The following VGLL3 variants were observed in gnomAD, a reference collection of about 807,000 sequenced individuals.
VGLL3 encodes the protein vestigial like family member 3, also known as transcription cofactor vestigial-like protein 3.
A neutral mutation model predicts 29.2 loss-of-function variants in VGLL3; 18 were observed. The observed-to-expected ratio is 0.62, with a 90% CI of 0.43 to 0.91. The LOEUF (loss-of-function observed/expected upper bound fraction) is 0.91, where lower values mean the gene tolerates loss of function less well. Ranked by LOEUF, VGLL3 falls within the 40% of genes least tolerant of loss-of-function variation. The pLI, the probability that VGLL3 is intolerant of heterozygous loss-of-function variation, is 0.00. For missense variants in VGLL3, 440 were observed against 413.2 expected, an observed-to-expected ratio of 1.06 and a Z score of -0.56; for synonymous variants, 180 against 151.8, an observed-to-expected ratio of 1.19 and a Z score of -1.36.
rs76803491 is a variant in VGLL3, at chr3:86,973,908, G to T, written c.403+4618C>A. Among the ~76,000 whole-genome samples the T allele has an allele frequency of 8.9e-3, 1,352 of 152,232 alleles. 24 individuals carry two copies. Among genetic ancestry groups the T allele is most frequent in the African/African-American group, 0.031 (1,292 of 41,538 alleles). Reference sequence around the variant, plus strand: ...TAAGTCAGTGATTTACTCTGCTATGGCTTGACATAGCTCCTGCCCTTTTCT... The same window carrying T: ...TAAGTCAGTGATTTACTCTGCTATGTCTTGACATAGCTCCTGCCCTTTTCT... On this transcript the variant is annotated intron_variant, in intron 2 of 3. Coordinates refer to ENST00000398399, the MANE Select transcript of VGLL3 (RefSeq NM_016206.4).
chr3:86,952,550 G>A (rs1704637583), intron 3 of VGLL3, among the ~76,000 whole-genome samples: 1 of 152,150 alleles, frequency 6.6e-6, no homozygotes, highest in Non-Finnish European at 1.5e-5. Flanking sequence ...GCCTGAAAGT[G>A]TGTGTAGAAA....
At chr3:86,949,400 C>T (rs185110937) in intron 3 of VGLL3, among the ~76,000 whole-genome samples, 9 of 152,174 alleles carry the variant, frequency 5.9e-5, no homozygotes, top group African/African-American at 1.9e-4. Context: ...TAAACTTCTT[C>T]TTGGTGATGG....
intron 1 of VGLL3, among the ~76,000 whole-genome samples, chr3:86,989,771 A>G (rs1190419757): frequency 6.6e-6 from 1 of 152,038 alleles, no homozygotes; most frequent in Non-Finnish European, 1.5e-5. Context: ...ATGTAGCACT[A>G]ACTAAGCCTT....
chr3:86,961,600 A>G (rs1262170421), intron 3 of VGLL3, among the ~76,000 whole-genome samples: 1 of 152,142 alleles, frequency 6.6e-6, no homozygotes, highest in Admixed American at 6.6e-5. Context: ...ATATTTCCAC[A>G]TTTAACTCTC....
intron 3 of VGLL3, among the ~76,000 whole-genome samples, chr3:86,960,945 A>G (rs1704825649): frequency 8.6e-6 from 1 of 116,444 alleles, no homozygotes; most frequent in Admixed American, 1.2e-4. Context: ...ATATATATAT[A>G]TATATATATA....
chr3:86,973,073 A>G (rs76865605), intron 2 of VGLL3, among the ~76,000 whole-genome samples: 1 of 150,254 alleles, frequency 6.7e-6, no homozygotes, highest in Non-Finnish European at 1.5e-5. Context: ...CTTAAAAAAA[A>G]CACACACACA....
At position 86,944,837 on chromosome 3, in the gene VGLL3, A is replaced by G. The variant is rs543544738; in HGVS notation, c.*2187T>C. On this transcript the variant is annotated 3_prime_UTR_variant, in exon 4 of 4. Transcript: ENST00000398399. ...TGAATGAGTTTAACACTACTTTCAA[A>G]TAAATTACAAAGGAAGTTAATGTAT... is the stretch of plus-strand genomic sequence containing the variant. The G allele has an allele frequency of 6.6e-6, 1 of 152,360 alleles. No individual in the cohort carries two copies. The highest frequency in any genetic ancestry group is 2.4e-5 in the African/African-American group (1 of 41,578). 9.4% of individuals were successfully genotyped at this position (152,360 alleles called of 1,614,324 possible).
chr3:86,955,169 GT>G (rs1179468071), intron 3 of VGLL3, among the ~76,000 whole-genome samples: 1 of 152,094 alleles, frequency 6.6e-6, no homozygotes. Context: ...ATACCTAGGA[GT>G]ATGACTTATA....
intron 1 of VGLL3, among the ~76,000 whole-genome samples, chr3:86,988,638 AC>A (rs1487593282): frequency 2.2e-4 from 21 of 96,596 alleles, no homozygotes; most frequent in African/African-American, 5.6e-4. Context: ...TCTTTACTTG[AC>A]CAAAAAAAAA....
At chr3:86,978,424 G>A (rs537810894) in intron 2 of VGLL3, 102 bp downstream of exon 2, 15 of 1,308,738 alleles carry the variant, frequency 1.1e-5, no homozygotes, top group South Asian at 2.8e-5. Context: ...TAAAAAGCAA[G>A]TGGATATCCA....
intron 3 of VGLL3, chr3:86,962,740 G>T: frequency 1.6e-6 from 1 of 610,884 alleles, no homozygotes; most frequent in Non-Finnish European, 2.0e-6. Context: ...CATGAGGGCT[G>T]GACACAGTGG....
intron 2 of VGLL3, among the ~76,000 whole-genome samples, chr3:86,970,815 C>T (rs1281811818): frequency 6.6e-6 from 1 of 152,148 alleles, no homozygotes; most frequent in Admixed American, 6.5e-5. Flanking sequence ...AGGAGCCCAG[C>T]TCTGATCCTA....
rs535000808 is a variant in VGLL3 at position 86,940,083 on chromosome 3, T to A, written c.*6941A>T. 2.6e-5 allele frequency: 4 copies of A among 152,344 alleles called. No homozygotes were observed. In the South Asian group the frequency reaches 8.3e-4, roughly 32 times the overall value. 9.4% of individuals were successfully genotyped at this position (152,344 alleles called of 1,614,324 possible). ...CAGTTAAAAAGCCTGCGCCAAATTA[T>A]TTCATCTGTAATGCTGGAAAGTCTA... On this transcript the variant is annotated 3_prime_UTR_variant, in exon 4 of 4. Transcript: ENST00000398399.
chr3:86,977,488 C>T (rs562164785), intron 2 of VGLL3, among the ~76,000 whole-genome samples: 9 of 152,172 alleles, frequency 5.9e-5, no homozygotes, highest in Non-Finnish European at 1.2e-4. Flanking sequence ...AGTGTGATTC[C>T]CACACCTTCC....
At chr3:86,954,313 A>G (rs1704673975) in intron 3 of VGLL3, among the ~76,000 whole-genome samples, 1 of 152,214 alleles carries the variant, frequency 6.6e-6, no homozygotes, top group East Asian at 1.9e-4. Flanking sequence ...GCAGGTGAGA[A>G]AAGTTCAGCC....
rs992038909 is a variant in VGLL3 at position 86,943,776 on chromosome 3, T to G, written c.*3248A>C. The stretch of plus-strand genomic sequence containing the variant: ...GAGACAAAATAATCTGTTAGGTTCC[T>G]GATTTGTCAACATTATGTTGTTTCT... On this transcript the variant is annotated 3_prime_UTR_variant, in exon 4 of 4. Transcript: ENST00000398399. The G allele has an allele frequency of 2.0e-5, 3 of 152,210 alleles. No homozygotes were observed. The highest frequency in any genetic ancestry group is 4.4e-5 in the Non-Finnish European group (3 of 68,034). 9.4% of individuals were successfully genotyped at this position (152,210 alleles called of 1,614,324 possible). A position where few individuals can be genotyped will look rare whatever the true frequency, so the allele number is the denominator to read the frequency against.
Position 86,938,392 on chromosome 3 carries a change from A to G in VGLL3, c.*8632T>C, listed in dbSNP as rs1240865636. The G allele has an allele frequency of 6.5e-6, 1 of 152,672 alleles. No homozygotes were observed. Among genetic ancestry groups the G allele is most frequent in the Non-Finnish European group, 1.5e-5 (1 of 68,040 alleles). 9.5% of individuals were successfully genotyped at this position (152,672 alleles called of 1,614,324 possible). A position where few individuals can be genotyped will look rare whatever the true frequency, so the allele number is the denominator to read the frequency against. ...AAAAGATTCTTAAGCTTTCAACAGA[A>G]GGAATAGGGGAGTTTAAAGCTATAT... On this transcript the variant is annotated 3_prime_UTR_variant, in exon 4 of 4. Coordinates refer to ENST00000398399, the MANE Select transcript of VGLL3 (RefSeq NM_016206.4).
In VGLL3 at chr3:86,978,821, A is replaced by T; in HGVS notation, c.127-19T>A. On this transcript the variant is annotated intron_variant, in intron 1 of 3. Transcript: ENST00000398399. ...ACTTCTTCTGGGATGGAATAAACAA[A>T]ACACAGTATCAAAGACAGTTTGTAG... 6.4e-7 allele frequency: 1 copy of T among 1,574,404 alleles called. No homozygotes were observed. Among genetic ancestry groups the T allele is most frequent in the South Asian group, 1.2e-5 (1 of 83,244 alleles).
Position 86,968,943 on chromosome 3 carries a change from G to C in VGLL3, c.584C>G (p.Thr195Ser). The change falls in exon 3 of 4, where the codon ACT (threonine) becomes AGT (serine). Residue 195 changes from threonine (T) to serine (S), a missense_variant. By Grantham distance (58) the Thr-to-Ser change is moderately conservative. Transcript: ENST00000398399. ...SPWPGHNLHQ[T>S]GPAPPPAVSE... ...CACAGCAGGGGGAGGGGCTGGGCCA[G>C]TCTGATGCAGGTTGTGTCCCGGCCA... The C allele has an allele frequency of 6.2e-7, 1 of 1,614,168 alleles. No homozygotes were observed. The highest frequency in any genetic ancestry group is 8.5e-7 in the Non-Finnish European group (1 of 1,180,036).
Sources: gnomAD v4.1 joint callset for allele counts (sites outside exome capture counted in the v4.1 genomes callset) on GRCh38, gnomAD v4.1.1 for gene constraint, MANE v1.5 for transcripts, NCBI Gene and HGNC (gene_info 2026-07-23, HGNC 2026-07-21) for gene names.